SOX5: variants seen among roughly 807,000 people sequenced by gnomAD.
The protein encoded by SOX5 is SRY-box transcription factor 5.
SOX5 carries 9 observed loss-of-function variants against 92.0 expected under a neutral mutation model. The ratio of observed to expected loss-of-function variants is 0.10; its 90% CI spans 0.06 to 0.17. SOX5 has a LOEUF of 0.17. Among genes scored for constraint, SOX5 ranks in the 10% least tolerant of loss-of-function variants. SOX5 has a pLI of 1.00. For synonymous variants in SOX5, 344 were observed against 336.3 expected (o/e 1.02, Z -0.25); for missense variants, 642 against 944.5 (o/e 0.68, Z 4.20).
intron 3 of SOX5, among the ~76,000 whole-genome samples, chr12:24,222,721 G>T (rs1960786284): frequency 1.3e-5 from 2 of 152,150 alleles, no homozygotes; most frequent in South Asian, 2.1e-4. Context: ...ATGAATAAAT[G>T]ATTACTGATA....
At chr12:24,436,313 T>C (rs1364346213) in intron 1 of SOX5, among the ~76,000 whole-genome samples, 1 of 152,296 alleles carries the variant, frequency 6.6e-6, no homozygotes, top group African/African-American at 2.4e-5. Context: ...GGAAAAGTTA[T>C]TGAAGAGAAT....
At chr12:23,834,981 G>T (rs115435746) in intron 3 of SOX5, among the ~76,000 whole-genome samples, 3 of 151,802 alleles carry the variant, frequency 2.0e-5, no homozygotes, top group Non-Finnish European at 4.4e-5. Flanking sequence ...GATTTCTAAC[G>T]TTCTTGACAT....
At chr12:23,903,899 G>A (rs1415678972) in intron 1 of SOX5, among the ~76,000 whole-genome samples, 1 of 152,140 alleles carries the variant, frequency 6.6e-6, no homozygotes, top group Non-Finnish European at 1.5e-5. Context: ...CATACATTGA[G>A]CTTGAATAGA....
chr12:24,220,903 G>A (rs1295826952), intron 3 of SOX5, among the ~76,000 whole-genome samples: 1 of 152,170 alleles, frequency 6.6e-6, no homozygotes, highest in Non-Finnish European at 1.5e-5. Flanking sequence ...CCGAAAGTCT[G>A]AAGAAAACAT....
chr12:24,450,287 T>A (rs1424409349), intron 1 of SOX5, among the ~76,000 whole-genome samples: 1 of 152,128 alleles, frequency 6.6e-6, no homozygotes, highest in Non-Finnish European at 1.5e-5. Context: ...TTTCTGTAAC[T>A]CAAACTTTGT....
At chr12:24,138,319 G>A (rs1190597743) in intron 4 of SOX5, among the ~76,000 whole-genome samples, 1 of 152,146 alleles carries the variant, frequency 6.6e-6, no homozygotes, top group African/African-American at 2.4e-5. Flanking sequence ...GTTCATCTGC[G>A]AATATTCTCT....
intron 5 of SOX5, among the ~76,000 whole-genome samples, chr12:23,736,973 G>A (rs1187013351): frequency 6.6e-6 from 1 of 151,512 alleles, no homozygotes; most frequent in South Asian, 2.1e-4. Context: ...GATTACAGGC[G>A]TGAGCCACAG....
At position 23,979,698 on chromosome 12, in the gene SOX5, G is replaced by GTTTTTTTTTTTTTTTTTTTTTTTT. The variant is rs67253622; in HGVS notation, c.-1-83675_-1-83674insAAAAAAAAAAAAAAAAAAAAAAAA. Among the ~76,000 whole-genome samples the GTTTTTTTTTTTTTTTTTTTTTTTT allele has an allele frequency of 7.7e-4, 50 of 64,706 alleles. 18 individuals are homozygous for GTTTTTTTTTTTTTTTTTTTTTTTT. The East Asian group carries it at 0.014, about 18-fold the overall frequency. 42.4% of individuals were successfully genotyped at this position (64,706 alleles called of 152,430 possible). On this transcript the variant is annotated intron_variant, in intron 4 of 4. Transcript: ENST00000446891. ...TTCTTCCTTCCATATATATATATAT[G>GTTTTTTTTTTTTTTTTTTTTTTTT]TTTTTTTTGTTTTTTTTTTTTTTTT...
intron 4 of SOX5, among the ~76,000 whole-genome samples, chr12:24,134,392 C>A (rs1278978578): frequency 1.3e-5 from 2 of 152,170 alleles, no homozygotes; most frequent in Non-Finnish European, 2.9e-5. Flanking sequence ...TTAAAGATTG[C>A]AGGTTCAGAA....
chr12:23,693,366 C>T (rs2089236391), intron 6 of SOX5, among the ~76,000 whole-genome samples: 1 of 152,108 alleles, frequency 6.6e-6, no homozygotes, highest in Non-Finnish European at 1.5e-5. Context: ...TCAAGTGATC[C>T]ACCTGCCTCA....
intron 1 of SOX5, among the ~76,000 whole-genome samples, chr12:24,504,860 C>T (rs1948565231): frequency 6.6e-6 from 1 of 152,186 alleles, no homozygotes; most frequent in Non-Finnish European, 1.5e-5. Context: ...TATTCCCAAC[C>T]ACCCTGGCTA....
At chr12:24,448,639 G>A (rs1018415683) in intron 1 of SOX5, among the ~76,000 whole-genome samples, 2 of 151,964 alleles carry the variant, frequency 1.3e-5, no homozygotes, top group African/African-American at 4.8e-5. Flanking sequence ...GTTGCACTAT[G>A]GTATTTCTAT....
intron 4 of SOX5, among the ~76,000 whole-genome samples, chr12:24,174,477 C>A (rs771577309): frequency 1.2e-4 from 18 of 151,964 alleles, no homozygotes; most frequent in Non-Finnish European, 2.4e-4. Context: ...CAAACCAATT[C>A]TTGTTCCAGA....
At chr12:24,242,950 T>A (rs1379647967) in intron 3 of SOX5, among the ~76,000 whole-genome samples, 3 of 152,086 alleles carry the variant, frequency 2.0e-5, no homozygotes, top group African/African-American at 7.2e-5. Flanking sequence ...CAGAACACAA[T>A]CCTAATGTCC....
At chr12:24,271,982 AAC>A (rs71059998) in intron 3 of SOX5, among the ~76,000 whole-genome samples, 7,818 of 150,596 alleles carry the variant, frequency 0.052, 693 homozygotes, top group African/African-American at 0.18. Flanking sequence ...CACACACACA[AAC>A]ACACACACAC....
At chr12:23,908,118 TG>T (rs1440270709) in intron 1 of SOX5, among the ~76,000 whole-genome samples, 3 of 152,170 alleles carry the variant, frequency 2.0e-5, no homozygotes, top group African/African-American at 7.2e-5. Flanking sequence ...AAATAAAATC[TG>T]TGGCATGTTT....
intron 4 of SOX5, among the ~76,000 whole-genome samples, chr12:24,043,058 C>G (rs1380980473): frequency 6.6e-6 from 1 of 151,974 alleles, no homozygotes; most frequent in East Asian, 1.9e-4. Flanking sequence ...ATAATGCTTC[C>G]CATCAAAGCC....
chr12:24,239,423 T>C (rs1965143733), intron 3 of SOX5, among the ~76,000 whole-genome samples: 1 of 152,224 alleles, frequency 6.6e-6, no homozygotes, highest in African/African-American at 2.4e-5. Flanking sequence ...TGTCTGAAAC[T>C]GCATATTCCG....
At chr12:23,696,048 C>G (rs938278330) in intron 6 of SOX5, among the ~76,000 whole-genome samples, 1 of 149,376 alleles carries the variant, frequency 6.7e-6, no homozygotes, top group Non-Finnish European at 1.5e-5. Context: ...TATTGCTGGA[C>G]TTAGTTTGCT....
Sources: gnomAD v4.1 joint callset for allele counts (sites outside exome capture counted in the v4.1 genomes callset) on GRCh38, gnomAD v4.1.1 for gene constraint, MANE v1.5 for transcripts, NCBI Gene and HGNC (gene_info 2026-07-23, HGNC 2026-07-21) for gene names.